PIBF1: variants seen among roughly 807,000 people sequenced by gnomAD.
PIBF1 encodes the protein progesterone-induced-blocking factor 1.
PIBF1 carries 90 observed loss-of-function variants against 112.5 expected under a neutral mutation model. That is an observed-to-expected ratio of 0.80 (90% CI 0.67 to 0.95). PIBF1 has a LOEUF of 0.95. Ranked by LOEUF, PIBF1 falls within the 40% of genes least tolerant of loss-of-function variation. The pLI is 0.00. For missense variants in PIBF1, 915 were observed against 852.3 expected, an observed-to-expected ratio of 1.07 and a Z score of -0.92; for synonymous variants, 301 against 288.6, an observed-to-expected ratio of 1.04 and a Z score of -0.44.
intron 9 of PIBF1, among the ~76,000 whole-genome samples, chr13:72,837,445 A>ATTATTTT (rs2037410967): frequency 6.6e-6 from 1 of 152,040 alleles, no homozygotes; most frequent in Non-Finnish European, 1.5e-5. Context: ...TTTAAATAGC[A>ATTATTTT]TTATTTTTTA....
intron 17 of PIBF1, among the ~76,000 whole-genome samples, chr13:73,004,049 A>G (rs942769717): frequency 6.6e-6 from 1 of 152,140 alleles, no homozygotes; most frequent in African/African-American, 2.4e-5. Flanking sequence ...ACAAATTGCT[A>G]TGAAAATTCA....
At chr13:72,882,043 A>T (rs1209231677) in intron 10 of PIBF1, among the ~76,000 whole-genome samples, 1 of 152,144 alleles carries the variant, frequency 6.6e-6, no homozygotes, top group Non-Finnish European at 1.5e-5. Context: ...AAAATATACT[A>T]CAGTGCTATA....
intron 9 of PIBF1, among the ~76,000 whole-genome samples, chr13:72,844,767 A>T (rs1475675232): frequency 6.9e-5 from 9 of 130,254 alleles, no homozygotes; most frequent in African/African-American, 1.8e-4. Context: ...ACACACACAC[A>T]CACACACACA....
intron 14 of PIBF1, among the ~76,000 whole-genome samples, chr13:72,944,042 C>G (rs1381654883): frequency 6.6e-6 from 1 of 152,124 alleles, no homozygotes; most frequent in African/African-American, 2.4e-5. Context: ...TTATTTTTCT[C>G]TTGCTGGCCA....
At chr13:72,875,709 C>A (rs559508295) in intron 10 of PIBF1, among the ~76,000 whole-genome samples, 1 of 152,174 alleles carries the variant, frequency 6.6e-6, no homozygotes, top group African/African-American at 2.4e-5. Context: ...AGCATCTTTT[C>A]ACGTGTTTAT....
rs2044374340 is a variant in PIBF1 at position 73,016,094 on chromosome 13, ATACTT to A, written c.*178_*182del. On this transcript the variant is annotated 3_prime_UTR_variant, in exon 18 of 18. Coordinates refer to ENST00000326291, the MANE Select transcript of PIBF1 (RefSeq NM_006346.4). ...TCAAAATGTGTAAAGAACAATCAAT[ATACTT>A]TATTTTTTTTTCTATTTTATAAAAT... The A allele has an allele frequency of 3.4e-6, 1 of 290,104 alleles. No individual in the cohort carries two copies. The highest frequency in any genetic ancestry group is 6.3e-6 in the Non-Finnish European group (1 of 159,178). The allele number at this position is 290,104 out of a possible 1,614,324, so 18.0% of individuals were successfully genotyped here.
intron 5 of PIBF1, among the ~76,000 whole-genome samples, chr13:72,807,866 C>CTCA (rs1477372376): frequency 6.6e-6 from 1 of 152,176 alleles, no homozygotes; most frequent in African/African-American, 2.4e-5. Flanking sequence ...TTCACAATGA[C>CTCA]ACCAGTATAT....
chr13:72,854,775 C>T (rs1414558269), intron 10 of PIBF1, among the ~76,000 whole-genome samples: 1 of 150,524 alleles, frequency 6.6e-6, no homozygotes, highest in African/African-American at 2.4e-5. Context: ...AAAAACCTGC[C>T]AATGGTAACA....
At chr13:72,848,789 G>A (rs953276960) in intron 9 of PIBF1, among the ~76,000 whole-genome samples, 12 of 149,904 alleles carry the variant, frequency 8.0e-5, no homozygotes, top group East Asian at 3.9e-4. Context: ...CTGAGATCGC[G>A]CCACTGCACT....
intron 17 of PIBF1, among the ~76,000 whole-genome samples, chr13:73,010,504 G>A (rs1277891920): frequency 2.0e-5 from 3 of 152,090 alleles, no homozygotes; most frequent in African/African-American, 7.2e-5. Context: ...TCGGGAGGCT[G>A]AGGCAGGAGA....
rs186515831 is a variant in PIBF1, at chr13:72,883,541, T to G, written c.1323-10243T>G. Among the ~76,000 whole-genome samples, 28 of 152,274 alleles carry G rather than the reference T, an allele frequency of 1.8e-4. 1 individual carries two copies. In the East Asian group the frequency reaches 5.2e-3, roughly 28 times the overall value. ...GGTAGCTCTAGCCCTGGCTGGAGTG[T>G]AGTGACATGATCTCTGCCCACTGCA... On this transcript the variant is annotated intron_variant, in intron 10 of 17. Transcript: ENST00000326291.
At chr13:72,805,627 A>G (rs982239486) in intron 5 of PIBF1, among the ~76,000 whole-genome samples, 54 of 152,368 alleles carry the variant, frequency 3.5e-4, no homozygotes, top group African/African-American at 1.3e-3. Context: ...TGGATACAAT[A>G]TAAGCTTTGG....
chr13:72,877,701 A>G (rs1344604843), intron 10 of PIBF1, among the ~76,000 whole-genome samples: 1 of 150,490 alleles, frequency 6.6e-6, no homozygotes, highest in African/African-American at 2.4e-5. Context: ...TTTAGTGTCC[A>G]TGGGATCTGT....
chr13:72,850,645 A>G lies in PIBF1; in HGVS notation c.1224-3412A>G, dbSNP rs113698192. Among the ~76,000 whole-genome samples, 655 of 152,370 alleles carry G rather than the reference A, an allele frequency of 4.3e-3. 10 individuals carry two copies. The highest frequency in any genetic ancestry group is 0.015 in the African/African-American group (609 of 41,590). ...TGTAATTGTGCTGCCGAAATAACATATAGAATAATGAAGCTGTATTTGAGA... is the reference window on the plus strand; with the variant it reads ...TGTAATTGTGCTGCCGAAATAACATGTAGAATAATGAAGCTGTATTTGAGA... On this transcript the variant is annotated intron_variant, in intron 9 of 17. Transcript: ENST00000326291.
intron 14 of PIBF1, among the ~76,000 whole-genome samples, chr13:72,959,127 C>G (rs1010888761): frequency 6.6e-6 from 1 of 152,128 alleles, no homozygotes; most frequent in African/African-American, 2.4e-5. Context: ...TCCCAAGAAG[C>G]TGGGATTACA....
At chr13:72,880,878 A>G (rs1372203021) in intron 10 of PIBF1, among the ~76,000 whole-genome samples, 4 of 152,154 alleles carry the variant, frequency 2.6e-5, no homozygotes, top group African/African-American at 7.2e-5. Flanking sequence ...TTGAATGCAG[A>G]TTTCAGCTTT....
chr13:72,942,962 C>T (rs1264994080), intron 14 of PIBF1, among the ~76,000 whole-genome samples: 1 of 152,106 alleles, frequency 6.6e-6, no homozygotes. Context: ...GATTGTGTCA[C>T]TGCACTCCAG....
chr13:72,837,588 G>C (rs1306550769), intron 9 of PIBF1, among the ~76,000 whole-genome samples: 2 of 152,060 alleles, frequency 1.3e-5, no homozygotes, highest in Non-Finnish European at 2.9e-5. Context: ...GTAGAATAAT[G>C]CAGCACTACA....
chr13:72,933,625 G>A (rs112117025), intron 14 of PIBF1, among the ~76,000 whole-genome samples: 72 of 152,318 alleles, frequency 4.7e-4, no homozygotes, highest in African/African-American at 1.5e-3. Context: ...TCGTGCCATC[G>A]TACTCCAGCC....
Sources: allele counts gnomAD v4.1 joint callset (sites outside exome capture counted in the v4.1 genomes callset), GRCh38; gene constraint gnomAD v4.1.1; transcripts MANE v1.5; gene names NCBI Gene and HGNC (gene_info 2026-07-23, HGNC 2026-07-21).